Variants in SHISA2 observed in about 807,000 individuals in gnomAD.
The protein encoded by SHISA2 is protein shisa-2 homolog.
A neutral mutation model predicts 23.8 loss-of-function variants in SHISA2; 16 were observed. The ratio of observed to expected loss-of-function variants is 0.67; its 90% confidence interval spans 0.46 to 1.02. The LOEUF is 1.02. Ranked by LOEUF, SHISA2 falls within the 50% of genes least tolerant of loss-of-function variation. SHISA2 has a pLI of 0.00. For synonymous variants in SHISA2, 201 were observed against 178.6 expected (o/e 1.13, Z -1.00); for missense variants, 459 against 420.1 (o/e 1.09, Z -0.81).
At position 26,048,252 on chromosome 13, in the gene SHISA2, G is replaced by A. The variant is rs145940095; in HGVS notation, c.335-1186C>T. The stretch of plus-strand genomic sequence containing the variant: ...CAGGAGGCAGAAGTTGCAGTAAGCC[G>A]AGATTGTGCCACTGTACTCCAGCCT... On this transcript the variant is annotated intron_variant, in intron 1 of 1. Coordinates refer to ENST00000319420, the MANE Select transcript of SHISA2 (RefSeq NM_001007538.2). 2.3e-4 allele frequency among the ~76,000 whole-genome samples: 35 copies of A among 152,262 alleles called. No individual in the cohort carries two copies. The East Asian group carries it at 6.0e-3, about 26-fold the overall frequency.
At chr13:26,047,176 AAG>A in intron 1 of SHISA2, 110 bp from the exon 2 acceptor site, 2 of 1,150,438 alleles carry the variant, frequency 1.7e-6, no homozygotes, top group East Asian at 2.6e-5. Flanking sequence ...CCCACAGCTG[AAG>A]GACCTACACT....
rs139016161 is a variant in SHISA2, at chr13:26,044,675, G to A, written c.*1838C>T. The A allele has an allele frequency of 2.2e-4, 34 of 152,268 alleles. No homozygotes were observed. In the East Asian group the frequency reaches 6.2e-3, roughly 28 times the overall value. The allele number at this position is 152,268 out of a possible 1,614,324, so 9.4% of individuals were successfully genotyped here. On this transcript the variant is annotated 3_prime_UTR_variant, in exon 2 of 2. Coordinates refer to ENST00000319420, the MANE Select transcript of SHISA2 (RefSeq NM_001007538.2). ...TTATTAAAAAATGAGTATCATTGAT[G>A]ATACCAATTGCCAACACTGGTTTTA...
Position 26,046,781 on chromosome 13 carries a change from C to G in SHISA2, c.620G>C (p.Cys207Ser). ...APPTRSQTNC[C>S]LPEGTMNNVY... Reference sequence around the variant, plus strand: ...GTTGTTCATGGTCCCTTCCGGCAAGCAACAGTTGGTCTGTGACCTTGTTGG... The same window carrying G: ...GTTGTTCATGGTCCCTTCCGGCAAGGAACAGTTGGTCTGTGACCTTGTTGG... The change falls in exon 2 of 2, where the codon TGC (cysteine) becomes TCC (serine). Residue 207 changes from cysteine to serine, a missense_variant. By Grantham distance (112) the Cys-to-Ser change is moderately radical (BLOSUM62 -1). Transcript: ENST00000319420. 3 of 1,614,246 alleles carry G rather than the reference C, an allele frequency of 1.9e-6. No homozygotes were observed. The highest frequency in any genetic ancestry group is 1.1e-5 in the South Asian group (1 of 91,088).
At position 26,050,844 on chromosome 13, in the gene SHISA2, C is replaced by G. The variant is rs370868172; in HGVS notation, c.132G>C (p.Ala44=). The change falls in exon 1 of 2, where the codon GCG becomes GCC. Residue 44 remains alanine (A), a synonymous_variant. Transcript: ENST00000319420. ...SGEYCHGWLD[A]QGVWRIGFQC... is the part of the protein sequence containing the mutation. ...GGAAGCCGATGCGCCAGACGCCCTG[C>G]GCGTCCAGCCAGCCGTGGCAGTACT... is the stretch of plus-strand genomic sequence containing the variant. 2 of 1,531,412 alleles carry G rather than the reference C, an allele frequency of 1.3e-6. No homozygotes were observed. The highest frequency in any genetic ancestry group is 2.8e-5 in the African/African-American group (2 of 70,860). 94.9% of individuals were successfully genotyped at this position (1,531,412 alleles called of 1,614,324 possible).
At chr13:26,050,355 A>G (rs1335747174) in intron 1 of SHISA2, among the ~76,000 whole-genome samples, 1 of 152,134 alleles carries the variant, frequency 6.6e-6, no homozygotes, top group Admixed American at 6.5e-5. Context: ...GGCCCGGAGG[A>G]CCCTGGTCAG....
intron 1 of SHISA2, among the ~76,000 whole-genome samples, chr13:26,049,071 A>C (rs978685486): frequency 3.3e-5 from 5 of 152,234 alleles, no homozygotes; most frequent in African/African-American, 1.2e-4. Context: ...ATGTTATCAA[A>C]AAATAAATTA....
intron 1 of SHISA2, among the ~76,000 whole-genome samples, chr13:26,048,843 T>A (rs1957282389): frequency 6.6e-6 from 1 of 152,170 alleles, no homozygotes; most frequent in African/African-American, 2.4e-5. Context: ...TTCCTGGAGT[T>A]TCAATGCTGA....
At chr13:26,048,132 G>A (rs549426632) in intron 1 of SHISA2, among the ~76,000 whole-genome samples, 1 of 152,180 alleles carries the variant, frequency 6.6e-6, no homozygotes, top group African/African-American at 2.4e-5. Context: ...GTGAGACCCT[G>A]TCTCTACTAA....
rs1204353386 is a variant in SHISA2 at position 26,045,280 on chromosome 13, G to A, written c.*1233C>T. On this transcript the variant is annotated 3_prime_UTR_variant, in exon 2 of 2. Coordinates refer to ENST00000319420, the MANE Select transcript of SHISA2 (RefSeq NM_001007538.2). ...GCACTCAGGACTATATAGACATGGG[G>A]CTCTGAAAACCAAACAGAAGGAAAC... 6.6e-6 allele frequency: 1 copy of A among 152,082 alleles called. No individual in the cohort carries two copies. Among genetic ancestry groups the A allele is most frequent in the African/African-American group, 2.4e-5 (1 of 41,392 alleles). The allele number at this position is 152,082 out of a possible 1,614,324, so 9.4% of individuals were successfully genotyped here.
rs1957274389 is a variant in SHISA2, at chr13:26,047,121, A to G, written c.335-55T>C. ...TGATCTACTCTAGGAACACAGTACC[A>G]ATCGCCAACTGGCAATGGCAATGAA... On this transcript the variant is annotated intron_variant, in intron 1 of 1. Transcript: ENST00000319420. The G allele has an allele frequency of 4.1e-6, 6 of 1,475,608 alleles. No individual in the cohort carries two copies. The South Asian group carries it at 8.4e-5, about 21-fold the overall frequency. 91.4% of individuals were successfully genotyped at this position (1,475,608 alleles called of 1,614,324 possible).
At position 26,051,294 on chromosome 13, in the gene SHISA2, G is replaced by A. The variant is rs1229723663; in HGVS notation, c.-319C>T. ...TCCGGAAGCCTCTGGAGGTTTCACT[G>A]GCAACCGGACCCTCCCTGAGCATCC... On this transcript the variant is annotated 5_prime_UTR_variant, in exon 1 of 2. Coordinates refer to ENST00000319420, the MANE Select transcript of SHISA2 (RefSeq NM_001007538.2). Among the ~76,000 whole-genome samples, 1 of 152,154 alleles carries A rather than the reference G, an allele frequency of 6.6e-6. No individual in the cohort carries two copies. Among genetic ancestry groups the A allele is most frequent in the Non-Finnish European group, 1.5e-5 (1 of 68,008 alleles).
rs1175938579 is a variant in SHISA2, at chr13:26,051,652, C to G, written c.-677G>C. Among the ~76,000 whole-genome samples the G allele has an allele frequency of 6.6e-6, 1 of 152,032 alleles. No individual in the cohort carries two copies. Among genetic ancestry groups the G allele is most frequent in the Non-Finnish European group, 1.5e-5 (1 of 67,964 alleles). On this transcript the variant is annotated 5_prime_UTR_variant, in exon 1 of 2. Transcript: ENST00000319420. ...ACGGCCAATCTTCCCAGCACGTCGCCGAGGGAGCGCTCCTGACCCCGGGAA... is the reference window on the plus strand; with the variant it reads ...ACGGCCAATCTTCCCAGCACGTCGCGGAGGGAGCGCTCCTGACCCCGGGAA...
Position 26,050,922 on chromosome 13 carries a change from G to A in SHISA2, c.54C>T (p.Leu18=), listed in dbSNP as rs1464349683. ...GCAGCGCAGCCAGCAGCAGCTGCAG[G>A]AGCGAAGCGGCGTTCCAGGATGAGG... The part of the protein sequence containing the change: ...SVSSSWNAAS[L]LQLLLAALLA... Residue 18 remains leucine, a synonymous_variant, in exon 1 of 2, where the codon CTC becomes CTT. Coordinates refer to ENST00000319420, the MANE Select transcript of SHISA2 (RefSeq NM_001007538.2). The A allele has an allele frequency of 1.3e-6, 2 of 1,520,428 alleles. No individual in the cohort carries two copies. 94.2% of individuals were successfully genotyped at this position (1,520,428 alleles called of 1,614,324 possible).
chr13:26,046,441 C>G lies in SHISA2; in HGVS notation c.*72G>C. ...GTGCCATAAATACCACCGACATGTG[C>G]GGACTTCCACCTCGAGAATCCACCC... On this transcript the variant is annotated 3_prime_UTR_variant, in exon 2 of 2. Coordinates refer to ENST00000319420, the MANE Select transcript of SHISA2 (RefSeq NM_001007538.2). 2 of 1,473,452 alleles carry G rather than the reference C, an allele frequency of 1.4e-6. No individual in the cohort carries two copies. The highest frequency in any genetic ancestry group is 1.8e-6 in the Non-Finnish European group (2 of 1,095,814). 91.3% of individuals were successfully genotyped at this position (1,473,452 alleles called of 1,614,324 possible).
rs1957307017 is a variant in SHISA2, at chr13:26,051,870, C to G, written c.-895G>C. On this transcript the variant is annotated 5_prime_UTR_variant, in exon 1 of 2. Coordinates refer to ENST00000319420, the MANE Select transcript of SHISA2 (RefSeq NM_001007538.2). ...AGCCTCCGGCCGGCTCTCCCTCTCCCGGTCGCTGCCTCGCCCTCGGGAGGT... is the reference window on the plus strand; with the variant it reads ...AGCCTCCGGCCGGCTCTCCCTCTCCGGGTCGCTGCCTCGCCCTCGGGAGGT... Among the ~76,000 whole-genome samples, 1 of 152,188 alleles carries G rather than the reference C, an allele frequency of 6.6e-6. No homozygotes were observed. The highest frequency in any genetic ancestry group is 1.5e-5 in the Non-Finnish European group (1 of 68,020).
rs750680405 is a variant in SHISA2 at position 26,050,763 on chromosome 13, C to T, written c.213G>A (p.Ala71=). 2.0e-6 allele frequency: 3 copies of T among 1,515,586 alleles called. No individual in the cohort carries two copies. The African/African-American group carries it at 4.3e-5, about 22-fold the overall frequency. The allele number at this position is 1,515,586 out of a possible 1,614,324, so 93.9% of individuals were successfully genotyped here. A position where few individuals can be genotyped will look rare whatever the true frequency, so the allele number is the denominator to read the frequency against. ...CGGCGCTGGAGCAGCAGTAGCGCAA[C>T]GCGCAGCTGCCGCAGCAGATGGTGG... is the stretch of plus-strand genomic sequence containing the variant. ...GDATICCGSC[A]LRYCCSSAEA... Residue 71 remains alanine, a synonymous_variant, in exon 1 of 2, where the codon GCG becomes GCA. Coordinates refer to ENST00000319420, the MANE Select transcript of SHISA2 (RefSeq NM_001007538.2).
chr13:26,046,082 T>TAAAAAA lies in SHISA2; in HGVS notation c.*425_*430dup, dbSNP rs56664482. 77 of 68,320 alleles carry TAAAAAA rather than the reference T, an allele frequency of 1.1e-3. No homozygotes were observed. The highest frequency in any genetic ancestry group is 4.5e-3 in the African/African-American group (69 of 15,416). The allele number at this position is 68,320 out of a possible 1,614,324, so 4.2% of individuals were successfully genotyped here. On this transcript the variant is annotated 3_prime_UTR_variant, in exon 2 of 2. Coordinates refer to ENST00000319420, the MANE Select transcript of SHISA2 (RefSeq NM_001007538.2). ...GCAACAGAGCAAGACCCTGTCTGAT[T>TAAAAAA]AAAAAAAAAAAAAAAAAAAAAAAAA...
rs2137484722 is a variant in SHISA2 at position 26,045,956 on chromosome 13, T to G, written c.*557A>C. 1 of 152,274 alleles carries G rather than the reference T, an allele frequency of 6.6e-6. No individual in the cohort carries two copies. The highest frequency in any genetic ancestry group is 6.5e-5 in the Admixed American group (1 of 15,292). The allele number at this position is 152,274 out of a possible 1,614,324, so 9.4% of individuals were successfully genotyped here. A position where few individuals can be genotyped will look rare whatever the true frequency, so the allele number is the denominator to read the frequency against. On this transcript the variant is annotated 3_prime_UTR_variant, in exon 2 of 2. Coordinates refer to ENST00000319420, the MANE Select transcript of SHISA2 (RefSeq NM_001007538.2). The stretch of plus-strand genomic sequence containing the variant: ...AAAATTAGCCATGGGGGCAGGCACC[T>G]GTAATCCCAGCCACGTGGGAGGCTG...
rs138455555 is a variant in SHISA2, at chr13:26,046,774, C to T, written c.627G>A (p.Pro209=). The part of the protein sequence containing the change: ...PTRSQTNCCL[P]EGTMNNVYVN... ...CATACACGTTGTTCATGGTCCCTTC[C>T]GGCAAGCAACAGTTGGTCTGTGACC... The change falls in exon 2 of 2, where the codon CCG becomes CCA. Residue 209 remains proline, a synonymous_variant. Transcript: ENST00000319420. 612 of 1,614,066 alleles carry T rather than the reference C, an allele frequency of 3.8e-4. 2 individuals carry two copies. Among genetic ancestry groups the T allele is most frequent in the Non-Finnish European group, 4.7e-4 (557 of 1,180,050 alleles).
Sources: allele counts gnomAD v4.1 joint callset (sites outside exome capture counted in the v4.1 genomes callset), GRCh38; gene constraint gnomAD v4.1.1; transcripts MANE v1.5; gene names NCBI Gene and HGNC (gene_info 2026-07-23, HGNC 2026-07-21).